Variants in TTC6 observed in about 807,000 individuals in gnomAD.
The protein encoded by TTC6 is tetratricopeptide repeat protein 6.
In TTC6, 172 loss-of-function variants were observed where a neutral mutation model predicts 210.4. The ratio of observed to expected loss-of-function variants is 0.82; its 90% CI spans 0.72 to 0.93. The LOEUF is 0.93. Ranked by LOEUF, TTC6 falls within the 40% of genes least tolerant of loss-of-function variation. TTC6 has a pLI of 0.00. For synonymous variants in TTC6, 804 were observed against 819.6 expected (o/e 0.98, Z 0.32); for missense variants, 2,414 against 2,318.1 (o/e 1.04, Z -0.85).
chr14:37,752,345 T>A (rs548052067), intron 13 of TTC6, among the ~76,000 whole-genome samples: 1 of 152,144 alleles, frequency 6.6e-6, no homozygotes, highest in East Asian at 1.9e-4. Context: ...TTTTTCTGCT[T>A]GAGGAGAATA....
intron 29 of TTC6, among the ~76,000 whole-genome samples, chr14:37,839,156 A>G (rs1384119708): frequency 6.6e-6 from 1 of 152,210 alleles, no homozygotes; most frequent in East Asian, 1.9e-4. Context: ...CTTTGGGTAT[A>G]TACCCAGTAA....
intron 1 of TTC6, among the ~76,000 whole-genome samples, chr14:37,668,989 C>G (rs1424950810): frequency 6.6e-6 from 1 of 152,172 alleles, no homozygotes; most frequent in African/African-American, 2.4e-5. Flanking sequence ...TCCATACCAC[C>G]TACATGATAA....
chr14:37,678,541 C>T (rs865821619), intron 1 of TTC6, among the ~76,000 whole-genome samples: 15 of 152,186 alleles, frequency 9.9e-5, no homozygotes, highest in African/African-American at 3.4e-4. Context: ...CAAATTCTAG[C>T]CCCTTTGTCC....
At chr14:37,666,862 A>G (rs1054917847) in intron 1 of TTC6, among the ~76,000 whole-genome samples, 3 of 150,232 alleles carry the variant, frequency 2.0e-5, no homozygotes, top group Non-Finnish European at 3.0e-5. Flanking sequence ...GTGGGCCTCA[A>G]GCACTTTTGC....
At chr14:37,617,360 CTGT>C (rs2095644471), upstream of TTC6, among the ~76,000 whole-genome samples, 1 of 152,088 alleles carries the variant, frequency 6.6e-6, no homozygotes, top group African/African-American at 2.4e-5. Context: ...TTCTAAGTGA[CTGT>C]TATAAAGGGC....
chr14:37,630,787 A>C (rs536010417), intron 1 of TTC6, among the ~76,000 whole-genome samples: 195 of 152,094 alleles, frequency 1.3e-3, no homozygotes, highest in African/African-American at 4.4e-3. Flanking sequence ...ATATATATTT[A>C]GAATAGTTAG....
intron 6 of TTC6, among the ~76,000 whole-genome samples, chr14:37,717,518 A>G (rs1169626184): frequency 6.6e-6 from 1 of 152,184 alleles, no homozygotes; most frequent in East Asian, 1.9e-4. Context: ...GATTATTTGA[A>G]TAGCCCTATA....
chr14:37,841,759 T>C, intron 30 of TTC6, 89 bp downstream of exon 32: 1 of 1,020,360 alleles, frequency 9.8e-7, no homozygotes, highest in Non-Finnish European at 1.4e-6. Flanking sequence ...TAGGTCTATT[T>C]ATTTAGATAA....
exon 24 of TTC6, chr14:37,808,801 T>G (rs1229030815): frequency 7.2e-6 from 11 of 1,535,064 alleles, no homozygotes; most frequent in Non-Finnish European, 9.6e-6. Context: ...ATACAGCATT[T>G]TATAACAGAG....
intron 29 of TTC6, among the ~76,000 whole-genome samples, chr14:37,833,979 C>A (rs1054277498): frequency 6.6e-6 from 1 of 152,144 alleles, no homozygotes; most frequent in African/African-American, 2.4e-5. Flanking sequence ...CCTAACAGTT[C>A]TTCCCCCCAA....
chr14:37,622,207 A>G (rs1256908767), exon 1 of TTC6: 2 of 1,535,452 alleles, frequency 1.3e-6, no homozygotes, highest in Non-Finnish European at 1.7e-6. Context: ...GCTGTAGATG[A>G]AAGCCCAGTC....
intron 10 of TTC6, among the ~76,000 whole-genome samples, chr14:37,747,271 C>T (rs928612989): frequency 6.6e-6 from 1 of 152,060 alleles, no homozygotes; most frequent in African/African-American, 2.4e-5. Context: ...TTCCTGAGTC[C>T]ATCCCTGGTA....
At chr14:37,779,063 A>G (rs558944480) in intron 14 of TTC6, among the ~76,000 whole-genome samples, 2 of 152,248 alleles carry the variant, frequency 1.3e-5, no homozygotes, top group South Asian at 2.1e-4. Context: ...TTAAGTGTCC[A>G]TGGGGGTCAT....
intron 14 of TTC6, among the ~76,000 whole-genome samples, chr14:37,782,941 T>C (rs907531998): frequency 4.6e-5 from 7 of 152,312 alleles, no homozygotes; most frequent in African/African-American, 1.7e-4. Flanking sequence ...TATTGATTCG[T>C]GTATGTTGAA....
chr14:37,800,610 C>T (rs931745421), intron 20 of TTC6, among the ~76,000 whole-genome samples: 1 of 152,114 alleles, frequency 6.6e-6, no homozygotes, highest in Admixed American at 6.5e-5. Context: ...AGATTAAGGG[C>T]AAAACTTACA....
intron 29 of TTC6, among the ~76,000 whole-genome samples, chr14:37,830,472 TC>T (rs1328118615): frequency 6.6e-6 from 1 of 151,970 alleles, no homozygotes. Flanking sequence ...TGTTGTATAT[TC>T]CTTAATTTTG....
At chr14:37,622,201 T>C (rs1474245689) in exon 1 of TTC6, 9 of 1,535,402 alleles carry the variant, frequency 5.9e-6, no homozygotes, top group African/African-American at 1.4e-5. Flanking sequence ...AAGCCGGCTG[T>C]AGATGAAAGC....
At chr14:37,672,061 A>G (rs1428809024) in intron 1 of TTC6, among the ~76,000 whole-genome samples, 6 of 152,186 alleles carry the variant, frequency 3.9e-5, no homozygotes, top group Non-Finnish European at 1.5e-5. Flanking sequence ...ACAGACTAAT[A>G]CACTCAGTTT....
At chr14:37,762,862 TTTTTC>T (rs773724868) in intron 14 of TTC6, among the ~76,000 whole-genome samples, 66 of 150,606 alleles carry the variant, frequency 4.4e-4, no homozygotes, top group Admixed American at 1.6e-3. Context: ...TTTCTTTTTC[TTTTTC>T]TTTTCTTTTC....
Sources: allele counts gnomAD v4.1 joint callset (sites outside exome capture counted in the v4.1 genomes callset), GRCh38; gene constraint gnomAD v4.1.1; transcripts MANE v1.5; gene names NCBI Gene and HGNC (gene_info 2026-07-23, HGNC 2026-07-21).